Variants in CCSER1 observed in about 807,000 individuals in gnomAD.
CCSER1 encodes coiled-coil serine rich protein 1.
CCSER1 carries 41 observed loss-of-function variants against 82.0 expected under a neutral mutation model. That is an observed-to-expected ratio of 0.50 (90% CI 0.39 to 0.65). The LOEUF (loss-of-function observed/expected upper bound fraction) is 0.65, where lower values mean the gene tolerates loss of function less well. Among genes scored for constraint, CCSER1 ranks in the 30% least tolerant of loss-of-function variants. CCSER1 has a pLI of 0.00. For synonymous variants in CCSER1, 414 were observed against 383.9 expected, an observed-to-expected ratio of 1.08 and a Z score of -0.92; for missense variants, 1,119 against 1,064.2, an observed-to-expected ratio of 1.05 and a Z score of -0.72.
chr4:90,476,189 A>G (rs548797749), intron 5 of CCSER1, among the ~76,000 whole-genome samples: 72 of 152,236 alleles, frequency 4.7e-4, no homozygotes, highest in African/African-American at 1.5e-3. Context: ...TAGGCCCTGC[A>G]TGTGAGAGAA....
chr4:90,758,638 G>GT (rs1189539005), intron 7 of CCSER1, among the ~76,000 whole-genome samples: 2 of 151,996 alleles, frequency 1.3e-5, no homozygotes, highest in Non-Finnish European at 2.9e-5. Context: ...ATTTTTAAGT[G>GT]TTTTTTCCAA....
chr4:91,099,953 T>G (rs1037121916), intron 10 of CCSER1, among the ~76,000 whole-genome samples: 6 of 152,148 alleles, frequency 3.9e-5, no homozygotes, highest in Non-Finnish European at 7.4e-5. Flanking sequence ...AGAGATTCTT[T>G]ACAGATGCTG....
At chr4:91,057,976 T>C (rs771887068) in intron 9 of CCSER1, among the ~76,000 whole-genome samples, 1 of 152,192 alleles carries the variant, frequency 6.6e-6, no homozygotes, top group African/African-American at 2.4e-5. Context: ...TGGTAACATC[T>C]GCACCCTCTT....
chr4:90,433,869 G>A (rs1578443558), intron 4 of CCSER1, among the ~76,000 whole-genome samples: 1 of 147,758 alleles, frequency 6.8e-6, no homozygotes, highest in South Asian at 2.1e-4. Context: ...ATTTCCTGGA[G>A]ATATATATAT....
chr4:90,915,878 A>G (rs1425950850), intron 8 of CCSER1, among the ~76,000 whole-genome samples: 1 of 151,986 alleles, frequency 6.6e-6, no homozygotes, highest in East Asian at 1.9e-4. Flanking sequence ...TAACAGACAA[A>G]CAGAGAGCCA....
At chr4:90,990,589 G>T (rs540302947) in intron 9 of CCSER1, among the ~76,000 whole-genome samples, 1 of 152,004 alleles carries the variant, frequency 6.6e-6, no homozygotes, top group South Asian at 2.1e-4. Flanking sequence ...GTTCTAGGTT[G>T]CCATTCTCTC....
At chr4:90,616,365 C>G (rs187448580) in intron 5 of CCSER1, among the ~76,000 whole-genome samples, 146 of 152,090 alleles carry the variant, frequency 9.6e-4, no homozygotes, top group South Asian at 3.1e-3. Flanking sequence ...ACTCTTCTAA[C>G]AAACTGTCGA....
At chr4:91,440,902 C>G (rs537925646) in intron 10 of CCSER1, among the ~76,000 whole-genome samples, 3 of 152,074 alleles carry the variant, frequency 2.0e-5, no homozygotes, top group Non-Finnish European at 4.4e-5. Flanking sequence ...CACATACACC[C>G]TCCCAAGACT....
At chr4:91,082,929 G>A (rs1722946422) in intron 9 of CCSER1, among the ~76,000 whole-genome samples, 1 of 152,186 alleles carries the variant, frequency 6.6e-6, no homozygotes, top group South Asian at 2.1e-4. Context: ...TGGAGAGGAT[G>A]TGGAGAAATA....
chr4:90,754,986 A>G (rs143153196), intron 7 of CCSER1, among the ~76,000 whole-genome samples: 6 of 152,152 alleles, frequency 3.9e-5, no homozygotes, highest in South Asian at 2.1e-4. Context: ...TAATACAGCT[A>G]TTGGAGTTCC....
intron 10 of CCSER1, among the ~76,000 whole-genome samples, chr4:91,171,497 G>A (rs1349133093): frequency 6.6e-6 from 1 of 152,132 alleles, no homozygotes; most frequent in Non-Finnish European, 1.5e-5. Flanking sequence ...TCACAGAAAT[G>A]TTTCTGAAAT....
intron 10 of CCSER1, among the ~76,000 whole-genome samples, chr4:91,472,104 G>GT (rs1004832822): frequency 1.1e-4 from 17 of 151,680 alleles, no homozygotes; most frequent in East Asian, 3.8e-4. Context: ...GTTTTTCATT[G>GT]TTTTTTTAAA....
chr4:91,598,644 G>A lies in CCSER1; in HGVS notation c.2290G>A (p.Glu764Lys), dbSNP rs746581698. 11 of 1,551,222 alleles carry A rather than the reference G, an allele frequency of 7.1e-6. No individual in the cohort carries two copies. The highest frequency in any genetic ancestry group is 1.7e-4 in the Middle Eastern group (1 of 6,012). The change falls in exon 11 of 11, where the codon GAG becomes AAG. Residue 764 changes from glutamate (E) to lysine (K), a missense_variant. Glu to Lys is a moderately conservative substitution (Grantham distance 56). Coordinates refer to ENST00000509176, the MANE Select transcript of CCSER1 (RefSeq NM_001145065.2). ...CAGAAAAGCAATACATACTCCCACC[G>A]AGGACCGTTTTAGGTATTCGGCAGC... is the stretch of plus-strand genomic sequence containing the variant. ...RDRKAIHTPT[E>K]DRFRYSAADQ...
At chr4:90,229,002 A>G (rs1458019269) in intron 1 of CCSER1, among the ~76,000 whole-genome samples, 2 of 152,210 alleles carry the variant, frequency 1.3e-5, no homozygotes, top group Non-Finnish European at 2.9e-5. Flanking sequence ...TGATTGGTGT[A>G]ACTGAAAGTG....
At chr4:91,412,048 T>A (rs935153609) in intron 10 of CCSER1, among the ~76,000 whole-genome samples, 1 of 152,106 alleles carries the variant, frequency 6.6e-6, no homozygotes, top group African/African-American at 2.4e-5. Flanking sequence ...TGCAGCCATC[T>A]GTAGGAAAAG....
chr4:91,174,714 C>A (rs991336840), intron 10 of CCSER1, among the ~76,000 whole-genome samples: 2 of 152,042 alleles, frequency 1.3e-5, no homozygotes, highest in Non-Finnish European at 2.9e-5. Context: ...TGATAAAAAT[C>A]AGATCATCTG....
At chr4:90,444,010 AGAATTTGT>A (rs1419338819) in intron 4 of CCSER1, among the ~76,000 whole-genome samples, 2 of 152,048 alleles carry the variant, frequency 1.3e-5, no homozygotes, top group Non-Finnish European at 2.9e-5. Flanking sequence ...TGTAGGGTGT[AGAATTTGT>A]GAATTTGTGT....
intron 10 of CCSER1, among the ~76,000 whole-genome samples, chr4:91,173,685 A>C (rs1393609332): frequency 6.6e-6 from 1 of 151,970 alleles, no homozygotes; most frequent in Non-Finnish European, 1.5e-5. Flanking sequence ...TGGAGTATGC[A>C]TGTCACTACT....
intron 6 of CCSER1, among the ~76,000 whole-genome samples, chr4:90,640,911 T>G (rs915489914): frequency 6.6e-6 from 1 of 152,104 alleles, no homozygotes; most frequent in South Asian, 2.1e-4. Context: ...GGGCAGTTCT[T>G]TATAGCAGTA....
Sources: allele counts gnomAD v4.1 joint callset (sites outside exome capture counted in the v4.1 genomes callset), GRCh38; gene constraint gnomAD v4.1.1; transcripts MANE v1.5; gene names NCBI Gene and HGNC (gene_info 2026-07-23, HGNC 2026-07-21).